The following SRP19 variants were observed in gnomAD, a reference collection of about 807,000 sequenced individuals.
SRP19 encodes the protein signal recognition particle 19.
In SRP19, 11 loss-of-function variants were observed where a neutral mutation model predicts 22.4. The observed-to-expected ratio is 0.49, with a 90% CI of 0.31 to 0.81. SRP19 has a LOEUF of 0.81. Ranked by LOEUF, SRP19 falls within the 40% of genes least tolerant of loss-of-function variation. SRP19 has a pLI of 0.05. For synonymous variants in SRP19, 61 were observed against 57.6 expected (o/e 1.06, Z -0.27); for missense variants, 168 against 175.9 (o/e 0.96, Z 0.25).
At chr5:112,882,629 C>T (rs1768115768) in intron 4 of SRP19, among the ~76,000 whole-genome samples, 1 of 152,200 alleles carries the variant, frequency 6.6e-6, no homozygotes, top group Admixed American at 6.5e-5. Flanking sequence ...CTCCAACTGT[C>T]CTAGAGGGGC....
chr5:112,863,497 A>G (rs990848762), intron 2 of SRP19, among the ~76,000 whole-genome samples: 1 of 152,062 alleles, frequency 6.6e-6, no homozygotes, highest in Admixed American at 6.6e-5. Flanking sequence ...CCAGCCCCCC[A>G]TCCCCTAGTT....
At chr5:112,864,375 G>A (rs1472262588) in intron 2 of SRP19, 82 bp from the exon 3 acceptor site, 7 of 1,174,442 alleles carry the variant, frequency 6.0e-6, no homozygotes, top group Non-Finnish European at 8.8e-6. Flanking sequence ...TTTGATTATA[G>A]TATTTGAAAT....
At position 112,861,317 on chromosome 5, in the gene SRP19, C is replaced by A; in HGVS notation, c.-60C>A. 1 of 1,601,926 alleles carries A rather than the reference C, an allele frequency of 6.2e-7. No homozygotes were observed. Among genetic ancestry groups the A allele is most frequent in the African/African-American group, 1.3e-5 (1 of 74,678 alleles). ...GTCTCGGAAACTCAGAGCCGGGTTC[C>A]TCCCGGGTTTCTGCCGGGTTTCTCC... is the stretch of plus-strand genomic sequence containing the variant. On this transcript the variant is annotated 5_prime_UTR_variant, in exon 1 of 5. Coordinates refer to ENST00000505459, the MANE Select transcript of SRP19 (RefSeq NM_003135.3).
exon 5 of SRP19, chr5:112,892,444 C>A: frequency 6.2e-7 from 1 of 1,614,086 alleles, no homozygotes; most frequent in Non-Finnish European, 8.5e-7. Flanking sequence ...CAATTTGGAA[C>A]CTCACCTGAG....
chr5:112,870,876 G>C (rs1466543830), downstream of SRP19, among the ~76,000 whole-genome samples: 1 of 152,126 alleles, frequency 6.6e-6, no homozygotes. Flanking sequence ...TCCTAATCAT[G>C]AGCCAAATAC....
At chr5:112,861,520 C>A in intron 1 of SRP19, 103 bp downstream of exon 1, 1 of 1,271,764 alleles carries the variant, frequency 7.9e-7, no homozygotes, top group Non-Finnish European at 1.1e-6. Context: ...AATGGCCTAG[C>A]TGATCCAACT....
Position 112,864,531 on chromosome 5 carries a change from A to G in SRP19, c.189+3A>G. ...TTGGACTTAACGTATTTCTTGAGGT[A>G]TGACGTGGTTCTTCACTATTTTCCA... On this transcript the variant is annotated splice_donor_region_variant and intron_variant, in intron 3 of 4. Transcript: ENST00000505459. 1 of 1,613,936 alleles carries G rather than the reference A, an allele frequency of 6.2e-7. No individual in the cohort carries two copies. Among genetic ancestry groups the G allele is most frequent in the Non-Finnish European group, 8.5e-7 (1 of 1,179,828 alleles).
At chr5:112,893,329 G>C, downstream of SRP19, 1 of 233,816 alleles carries the variant, frequency 4.3e-6, no homozygotes, top group Non-Finnish European at 8.5e-6. Flanking sequence ...AGAATCGCTT[G>C]AATCTGGAAG....
At chr5:112,864,892 T>C in intron 4 of SRP19, 160 bp downstream of exon 4, 1 of 474,174 alleles carries the variant, frequency 2.1e-6, no homozygotes. Flanking sequence ...AGTTCTAATT[T>C]CTTTGAGGTG....
Position 112,867,623 on chromosome 5 carries a change from T to C in SRP19, c.*86T>C. 7.1e-7 allele frequency: 1 copy of C among 1,411,904 alleles called. No individual in the cohort carries two copies. The highest frequency in any genetic ancestry group is 2.5e-5 in the East Asian group (1 of 39,838). 87.5% of individuals were successfully genotyped at this position (1,411,904 alleles called of 1,614,324 possible). On this transcript the variant is annotated 3_prime_UTR_variant, in exon 5 of 5. Coordinates refer to ENST00000505459, the MANE Select transcript of SRP19 (RefSeq NM_003135.3). Reference sequence around the variant, plus strand: ...TTGTATCGGAGGGAAACAGAAGCTTTTTGTTTGCATCATTTAACTGAACTG... The same window carrying C: ...TTGTATCGGAGGGAAACAGAAGCTTCTTGTTTGCATCATTTAACTGAACTG...
At chr5:112,889,551 C>G (rs1768367780) in intron 4 of SRP19, among the ~76,000 whole-genome samples, 1 of 150,260 alleles carries the variant, frequency 6.7e-6, no homozygotes, top group African/African-American at 2.5e-5. Context: ...CATATGTTTG[C>G]AATAGAATTA....
intron 4 of SRP19, among the ~76,000 whole-genome samples, chr5:112,866,488 C>T (rs1444605883): frequency 2.6e-5 from 4 of 151,836 alleles, no homozygotes; most frequent in Non-Finnish European, 5.9e-5. Context: ...CTGGGAATAT[C>T]GGCACATGAT....
At chr5:112,883,789 C>A (rs1768147547) in intron 4 of SRP19, among the ~76,000 whole-genome samples, 1 of 152,104 alleles carries the variant, frequency 6.6e-6, no homozygotes. Context: ...CCACCCACCA[C>A]AACCTCCCAC....
rs201980704 is a variant in SRP19 at position 112,862,546 on chromosome 5, A to C, written c.80A>C (p.Lys27Thr). Reference sequence around the variant, plus strand: ...TATCCTGCTTATTTAAATAATAAGAAGACCATCGCAGAGGGAAGGCGAATC... The same window carrying C: ...TATCCTGCTTATTTAAATAATAAGACGACCATCGCAGAGGGAAGGCGAATC... Reference protein sequence around the residue: ...CIYPAYLNNKKTIAEGRRIPI... With the variant: ...CIYPAYLNNKTTIAEGRRIPI... Residue 27 changes from lysine to threonine, a missense_variant, in exon 2 of 5, where the codon AAG (lysine) becomes ACG (threonine). Physicochemically the swap from Lys to Thr is moderately conservative, Grantham distance 78 (BLOSUM62 -1). Coordinates refer to ENST00000505459, the MANE Select transcript of SRP19 (RefSeq NM_003135.3). 3 of 1,614,072 alleles carry C rather than the reference A, an allele frequency of 1.9e-6. No homozygotes were observed.
chr5:112,879,338 T>TGG (rs1580725553), intron 4 of SRP19, among the ~76,000 whole-genome samples: 1 of 2,036 alleles, frequency 4.9e-4, no homozygotes, highest in Admixed American at 5.4e-3. Flanking sequence ...GGGGGGGGGC[T>TGG]GGGGGGGCGG....
exon 5 of SRP19, chr5:112,891,629 G>C (rs763114718): frequency 1.9e-6 from 3 of 1,593,652 alleles, no homozygotes; most frequent in Admixed American, 3.6e-5. Flanking sequence ...GGGTCAGGCG[G>C]TGCTGGCAAG....
Position 112,882,661 on chromosome 5 carries a change from G to A in SRP19, c.302-8942G>A, listed in dbSNP as rs556662061. Among the ~76,000 whole-genome samples the A allele has an allele frequency of 1.6e-3, 239 of 152,288 alleles. 3 individuals are homozygous for A. The highest frequency in any genetic ancestry group is 5.5e-3 in the African/African-American group (229 of 41,554). On this transcript the variant is annotated intron_variant, in intron 4 of 4. Transcript: ENST00000391338. ...GGGCCAGCACACTGCAGCCAAACTCGCTTATGTAGTGTCCATGGCTGTTTT... is the reference window on the plus strand; with the variant it reads ...GGGCCAGCACACTGCAGCCAAACTCACTTATGTAGTGTCCATGGCTGTTTT...
downstream of SRP19, among the ~76,000 whole-genome samples, chr5:112,873,271 C>CTTTTTT (rs35379154): frequency 1.4e-4 from 7 of 50,758 alleles, no homozygotes; most frequent in African/African-American, 1.7e-4. Context: ...CTCAGGTTTT[C>CTTTTTT]TTTTTTTTTT....
chr5:112,881,081 A>G (rs991813614), intron 4 of SRP19, among the ~76,000 whole-genome samples: 2 of 140,790 alleles, frequency 1.4e-5, no homozygotes, highest in Admixed American at 7.5e-5. Context: ...GTGAGCTGAG[A>G]TCATGCTACT....
Sources: gnomAD v4.1 joint callset for allele counts (sites outside exome capture counted in the v4.1 genomes callset) on GRCh38, gnomAD v4.1.1 for gene constraint, MANE v1.5 for transcripts, NCBI Gene and HGNC (gene_info 2026-07-23, HGNC 2026-07-21) for gene names.